Variants in EPCAM observed in about 807,000 individuals in gnomAD.
EPCAM encodes the protein epithelial cell adhesion molecule, also known as adenocarcinoma-associated antigen.
In EPCAM, 39 loss-of-function variants were observed where a neutral mutation model predicts 40.0. The observed-to-expected ratio is 0.98, with a 90% CI of 0.76 to 1.27. EPCAM has a LOEUF of 1.27. Among genes scored for constraint, EPCAM ranks in the 50% most tolerant of loss-of-function variants. The probability of loss-of-function intolerance (pLI) is 0.00; values close to 1 mark genes in which losing one functional copy is unlikely to be tolerated. For synonymous variants in EPCAM, 168 were observed against 132.3 expected (o/e 1.27, Z -1.85); for missense variants, 503 against 381.2 (o/e 1.32, Z -2.66).
chr2:47,377,407 T>G (rs944369004), intron 5 of EPCAM, among the ~76,000 whole-genome samples: 2 of 152,004 alleles, frequency 1.3e-5, no homozygotes, highest in African/African-American at 4.8e-5. Flanking sequence ...CAGCTAATTT[T>G]TGTATTTTTA....
chr2:47,382,659 C>T (rs1671624329), intron 7 of EPCAM, among the ~76,000 whole-genome samples: 1 of 152,128 alleles, frequency 6.6e-6, no homozygotes. Flanking sequence ...GCACTCCAGC[C>T]TGGGCAACGA....
chr2:47,386,513 A>G, intron 8 of EPCAM, 59 bp from the exon 9 acceptor site: 3 of 1,295,472 alleles, frequency 2.3e-6, no homozygotes, highest in Non-Finnish European at 3.3e-6. Context: ...CTATTTTCAG[A>G]ATGAACAAAA....
At chr2:47,375,046 G>C (rs1476153095) in intron 3 of EPCAM, among the ~76,000 whole-genome samples, 188 bp from the exon 4 acceptor site, 1 of 152,192 alleles carries the variant, frequency 6.6e-6, no homozygotes, top group African/African-American at 2.4e-5. Context: ...GTCAATATTA[G>C]AAAAGGTGTT....
intron 7 of EPCAM, among the ~76,000 whole-genome samples, chr2:47,384,685 C>T (rs769073424): frequency 1.3e-5 from 2 of 151,598 alleles, no homozygotes; most frequent in South Asian, 2.1e-4. Context: ...CACAAAGTAC[C>T]GGTGAGCCAC....
rs952673411 is a variant in EPCAM at position 47,386,501 on chromosome 2, T to C, written c.904-71T>C. 13 of 1,127,482 alleles carry C rather than the reference T, an allele frequency of 1.2e-5. No homozygotes were observed. The African/African-American group carries it at 1.4e-4, about 12-fold the overall frequency. 69.8% of individuals were successfully genotyped at this position (1,127,482 alleles called of 1,614,324 possible). A position where few individuals can be genotyped will look rare whatever the true frequency, so the allele number is the denominator to read the frequency against. On this transcript the variant is annotated intron_variant, in intron 8 of 8. Transcript: ENST00000263735. ...TTCCTTTAATTTCATTTTTATTTAA[T>C]ACTATTTTCAGAATGAACAAAAGAT... is the stretch of plus-strand genomic sequence containing the variant.
rs760722807 is a variant in EPCAM at position 47,383,607 on chromosome 2, CTTTTTTTTTTTTTTTTTTTTTTTT to C, written c.859-1537_859-1514del. 2.3e-3 allele frequency among the ~76,000 whole-genome samples: 83 copies of C among 36,472 alleles called. 1 individual carries two copies. The highest frequency in any genetic ancestry group is 0.01 in the South Asian group (9 of 900). The allele number at this position is 36,472 out of a possible 152,430, so 23.9% of individuals were successfully genotyped here. On this transcript the variant is annotated intron_variant, in intron 7 of 8. Transcript: ENST00000263735. ...CATGAGCCACTGTGCCCGGCTTCTTCTTTTTTTTTTTTTTTTTTTTTTTTTTTTTTTTTTTTTTTTTTTTTGAGA... is the reference window on the plus strand; with the variant it reads ...CATGAGCCACTGTGCCCGGCTTCTTCTTTTTTTTTTTTTTTTTTTTTGAGA...
In EPCAM at chr2:47,386,711, T is replaced by C; in HGVS notation, c.*98T>C. The C allele has an allele frequency of 1.1e-6, 1 of 949,812 alleles. No homozygotes were observed. The highest frequency in any genetic ancestry group is 1.8e-5 in the Admixed American group (1 of 55,490). 58.8% of individuals were successfully genotyped at this position (949,812 alleles called of 1,614,324 possible). A position where few individuals can be genotyped will look rare whatever the true frequency, so the allele number is the denominator to read the frequency against. On this transcript the variant is annotated 3_prime_UTR_variant, in exon 9 of 9. Coordinates refer to ENST00000263735, the MANE Select transcript of EPCAM (RefSeq NM_002354.3). ...CGAAGACATCTTTGAAGGTCATGAG[T>C]TTGTTAGTTTAACATCATATATTTG...
rs6744170 is a variant in EPCAM at position 47,375,214 on chromosome 2, A to G, written c.426-20A>G. ...GAAGACTGAGTTATAGTCAACTGAC[A>G]TTGTCTTTTTACTTTATAGCTGGAT... On this transcript the variant is annotated intron_variant, in intron 3 of 8. Transcript: ENST00000263735. The G allele has an allele frequency of 3.5e-3, 5,421 of 1,550,536 alleles. 141 individuals are homozygous for G. The African/African-American group carries it at 0.064, about 18-fold the overall frequency.
chr2:47,375,149 T>G, intron 3 of EPCAM, 85 bp from the exon 4 acceptor site: 3 of 1,025,326 alleles, frequency 2.9e-6, no homozygotes, highest in Non-Finnish European at 4.5e-6. Context: ...GTCCTTATAA[T>G]TCGAGAATTT....
rs761508741 is a variant in EPCAM, at chr2:47,377,105, G to T, written c.555+28G>T. 6.3e-6 allele frequency: 9 copies of T among 1,423,120 alleles called. No homozygotes were observed. The South Asian group carries it at 6.9e-5, about 11-fold the overall frequency. 88.2% of individuals were successfully genotyped at this position (1,423,120 alleles called of 1,614,324 possible). A position where few individuals can be genotyped will look rare whatever the true frequency, so the allele number is the denominator to read the frequency against. ...ATGATTTTTTAATAAGTGAGCTTTA[G>T]CAGACAGTTGGTGAGACAGTATGTT... On this transcript the variant is annotated intron_variant, in intron 5 of 8. Coordinates refer to ENST00000263735, the MANE Select transcript of EPCAM (RefSeq NM_002354.3).
chr2:47,369,917 C>T (rs1671178539), intron 1 of EPCAM: 1 of 431,974 alleles, frequency 2.3e-6, no homozygotes, highest in Non-Finnish European at 4.5e-6. Context: ...GGCGCACCCA[C>T]GTCCTCGGTT....
At chr2:47,373,709 C>A (rs1671344596) in intron 2 of EPCAM, 99 bp from the exon 3 acceptor site, 1 of 1,547,840 alleles carries the variant, frequency 6.5e-7, no homozygotes, top group Non-Finnish European at 8.9e-7. Context: ...ACATAAATTT[C>A]AAATAATCTT....
At chr2:47,380,188 C>T (rs900546823) in intron 7 of EPCAM, among the ~76,000 whole-genome samples, 2 of 151,986 alleles carry the variant, frequency 1.3e-5, no homozygotes, top group Non-Finnish European at 2.9e-5. Flanking sequence ...TGATGGCTTG[C>T]ACCTGTGGTC....
In EPCAM at chr2:47,369,500, C is replaced by T. The variant is rs776827466; in HGVS notation, c.-6C>T. The T allele has an allele frequency of 3.6e-5, 55 of 1,536,328 alleles. No individual in the cohort carries two copies. The highest frequency in any genetic ancestry group is 4.3e-5 in the Non-Finnish European group (49 of 1,146,798). On this transcript the variant is annotated 5_prime_UTR_variant, in exon 1 of 9. Transcript: ENST00000263735. ...CCCGCGCCCCTCTTCTCGGCGCGCG[C>T]GCAGCATGGCGCCCCCGCAGGTCCT...
chr2:47,378,956 GAGA>G lies in EPCAM; in HGVS notation c.561_563del (p.Glu187_Asn188delinsAsp). On this transcript the variant is annotated inframe_deletion, in exon 6 of 9. Transcript: ENST00000263735. ...ATTATTCAATTTTTTTCCCCAGTATGAGAATAATGTTATCACTATTGATCTGGT... is the reference window on the plus strand; with the variant it reads ...ATTATTCAATTTTTTTCCCCAGTATGATAATGTTATCACTATTGATCTGGT... 1 of 1,445,154 alleles carries G rather than the reference GAGA, an allele frequency of 6.9e-7. No individual in the cohort carries two copies. The highest frequency in any genetic ancestry group is 9.7e-7 in the Non-Finnish European group (1 of 1,026,806). The allele number at this position is 1,445,154 out of a possible 1,614,324, so 89.5% of individuals were successfully genotyped here.
At chr2:47,376,885 C>CA (rs1671441265) in intron 4 of EPCAM, 129 bp from the exon 5 acceptor site, 1 of 659,326 alleles carries the variant, frequency 1.5e-6, no homozygotes, top group African/African-American at 1.8e-5. Flanking sequence ...ATGATAGTTG[C>CA]AAAATGGCAG....
At chr2:47,379,639 A>C in intron 6 of EPCAM, 130 bp from the exon 7 acceptor site, 5 of 1,063,140 alleles carry the variant, frequency 4.7e-6, no homozygotes. Flanking sequence ...CCAATAAATT[A>C]GATTGTTATC....
In EPCAM at chr2:47,369,909, C is replaced by G. The variant is rs573777697; in HGVS notation, c.76+328C>G. The G allele has an allele frequency of 3.1e-4, 139 of 447,726 alleles. 1 individual carries two copies. In the East Asian group the frequency reaches 6.1e-3, roughly 20 times the overall value. 27.7% of individuals were successfully genotyped at this position (447,726 alleles called of 1,614,324 possible). A position where few individuals can be genotyped will look rare whatever the true frequency, so the allele number is the denominator to read the frequency against. ...ACCGAACCGGTGCCTCGCGCCCTGG[C>G]GCACCCACGTCCTCGGTTCGGGGTG... On this transcript the variant is annotated intron_variant, in intron 1 of 8. Transcript: ENST00000263735.
intron 4 of EPCAM, among the ~76,000 whole-genome samples, chr2:47,375,926 G>T (rs950783224): frequency 1.3e-5 from 2 of 151,926 alleles, no homozygotes; most frequent in African/African-American, 4.8e-5. Context: ...GGCTGGTCTC[G>T]AACTCCTGAA....
Sources: gnomAD v4.1 joint callset for allele counts (sites outside exome capture counted in the v4.1 genomes callset) on GRCh38, gnomAD v4.1.1 for gene constraint, MANE v1.5 for transcripts, NCBI Gene and HGNC (gene_info 2026-07-23, HGNC 2026-07-21) for gene names.